Variants in NDUFA5 observed in about 807,000 individuals in gnomAD.
NDUFA5 encodes NADH:ubiquinone oxidoreductase subunit A5.
Under a neutral mutation model 19.8 loss-of-function variants are expected in NDUFA5, and 11 were observed. The observed-to-expected ratio is 0.56, with a 90% CI of 0.35 to 0.92. The LOEUF (loss-of-function observed/expected upper bound fraction) is 0.92, where lower values mean the gene tolerates loss of function less well. Ranked by LOEUF, NDUFA5 falls within the 40% of genes least tolerant of loss-of-function variation. The pLI is 0.01. For missense variants in NDUFA5, 109 were observed against 134.2 expected (o/e 0.81, Z 0.93); for synonymous variants, 47 against 46.8 (o/e 1.00, Z -0.01).
chr7:123,546,560 T>G, intron 3 of NDUFA5: 1 of 761,232 alleles, frequency 1.3e-6, no homozygotes, highest in Non-Finnish European at 1.8e-6. Flanking sequence ...GAGCCAGAAA[T>G]CATGCTCTGT....
chr7:123,539,513 T>TA lies in NDUFA5; in HGVS notation c.*2605_*2606insT, dbSNP rs1375734544. ...TGATGATTAACTAGAATGAAACCCA[T>TA]GGGAGAACTGAAATAGGCCATTCTG... On this transcript the variant is annotated 3_prime_UTR_variant, in exon 5 of 5. Coordinates refer to ENST00000355749, the MANE Select transcript of NDUFA5 (RefSeq NM_005000.5). The TA allele has an allele frequency of 6.6e-6, 1 of 152,164 alleles. No individual in the cohort carries two copies. The highest frequency in any genetic ancestry group is 2.4e-5 in the African/African-American group (1 of 41,434). 9.4% of individuals were successfully genotyped at this position (152,164 alleles called of 1,614,324 possible).
At chr7:123,599,688 A>G in the NDUFA5 span, among the ~76,000 whole-genome samples, 26 of 152,352 alleles carry the variant, frequency 1.7e-4, no homozygotes, top group African/African-American at 6.0e-4. Flanking sequence ...TGCTTCAACT[A>G]TTTTAACCTA....
At chr7:123,577,236 T>C in the NDUFA5 span, among the ~76,000 whole-genome samples, 1 of 152,190 alleles carries the variant, frequency 6.6e-6, no homozygotes, top group African/African-American at 2.4e-5. Context: ...TATTGCAGGA[T>C]ATGGCCATGA....
chr7:123,561,723 G>A (rs112002803), upstream of NDUFA5, among the ~76,000 whole-genome samples: 4 of 151,916 alleles, frequency 2.6e-5, no homozygotes, highest in Non-Finnish European at 5.9e-5. Context: ...TCAGCCTCCC[G>A]AGTAGCTGGA....
rs1354689978 is a variant in NDUFA5 at position 123,541,863 on chromosome 7, T to C, written c.*256A>G. 4.4e-6 allele frequency: 1 copy of C among 229,054 alleles called. No homozygotes were observed. The highest frequency in any genetic ancestry group is 2.3e-5 in the African/African-American group (1 of 44,000). The allele number at this position is 229,054 out of a possible 1,614,324, so 14.2% of individuals were successfully genotyped here. A position where few individuals can be genotyped will look rare whatever the true frequency, so the allele number is the denominator to read the frequency against. ...TTGAAAATCTGTAGGAATTTTTCTT[T>C]AATAATTTTCAAATCTTCCCATGGC... On this transcript the variant is annotated 3_prime_UTR_variant, in exon 5 of 5. Transcript: ENST00000355749.
intron 2 of NDUFA5, chr7:123,551,546 T>C (rs1051679674): frequency 1.4e-6 from 1 of 705,074 alleles, no homozygotes; most frequent in Non-Finnish European, 1.7e-6. Flanking sequence ...GCACTGCAAA[T>C]TTTTTTTTTT....
chr7:123,584,648 G>A, the NDUFA5 span, among the ~76,000 whole-genome samples: 1 of 151,888 alleles, frequency 6.6e-6, no homozygotes, highest in South Asian at 2.1e-4. Context: ...GAACAAATAG[G>A]AATTCTAAAA....
chr7:123,559,857 C>CA (rs201033454), upstream of NDUFA5, among the ~76,000 whole-genome samples: 4,693 of 46,406 alleles, frequency 0.1, 296 homozygotes, highest in African/African-American at 0.25. Flanking sequence ...TTCCGTCTCA[C>CA]AAAAAAAAAA....
the NDUFA5 span, among the ~76,000 whole-genome samples, chr7:123,588,581 T>C: frequency 2.0e-5 from 3 of 151,010 alleles, no homozygotes; most frequent in African/African-American, 7.3e-5. Context: ...CTTCCTCCCT[T>C]CCTTCCTTCC....
the NDUFA5 span, among the ~76,000 whole-genome samples, chr7:123,600,075 C>T: frequency 2.6e-5 from 4 of 152,128 alleles, no homozygotes; most frequent in African/African-American, 9.7e-5. Context: ...GCATAGATGA[C>T]TAACTACTTG....
the NDUFA5 span, among the ~76,000 whole-genome samples, chr7:123,569,819 A>G: frequency 2.0e-5 from 3 of 152,204 alleles, no homozygotes; most frequent in African/African-American, 7.2e-5. Flanking sequence ...CCCGTTAAGT[A>G]TAACTAATTT....
the NDUFA5 span, among the ~76,000 whole-genome samples, chr7:123,567,314 G>C: frequency 3.9e-5 from 6 of 152,146 alleles, no homozygotes; most frequent in Admixed American, 3.3e-4. Context: ...AGGAGTAAAT[G>C]TTCTTATCCT....
intron 2 of NDUFA5, chr7:123,555,485 A>T (rs1007004047): frequency 6.6e-6 from 1 of 152,230 alleles, no homozygotes; most frequent in East Asian, 1.9e-4. Context: ...GAGTACAAGT[A>T]TAAGAGAAAT....
At chr7:123,601,457 G>A in the NDUFA5 span, among the ~76,000 whole-genome samples, 4 of 152,270 alleles carry the variant, frequency 2.6e-5, no homozygotes, top group African/African-American at 7.2e-5. Flanking sequence ...CTGAAAGATG[G>A]AGAAAGAAAA....
intron 2 of NDUFA5, among the ~76,000 whole-genome samples, chr7:123,552,321 C>T (rs938476650): frequency 8.6e-5 from 13 of 152,042 alleles, no homozygotes; most frequent in Admixed American, 8.5e-4. Flanking sequence ...AAAGGATGAG[C>T]TCATATCCTT....
At chr7:123,592,731 C>T in the NDUFA5 span, among the ~76,000 whole-genome samples, 12 of 152,030 alleles carry the variant, frequency 7.9e-5, no homozygotes, top group South Asian at 4.1e-4. Flanking sequence ...GGAATAAGTG[C>T]GATGTGGTGC....
the NDUFA5 span, among the ~76,000 whole-genome samples, chr7:123,584,456 C>T: frequency 6.6e-6 from 1 of 151,778 alleles, no homozygotes; most frequent in Admixed American, 6.6e-5. Flanking sequence ...AACCTAAGAA[C>T]AACTGCTCTA....
the NDUFA5 span, among the ~76,000 whole-genome samples, chr7:123,571,308 G>C: frequency 6.6e-6 from 1 of 152,080 alleles, no homozygotes; most frequent in African/African-American, 2.4e-5. Context: ...GTTGTACTGT[G>C]GTTTTTAATT....
chr7:123,551,232 G>A (rs1483507592), intron 2 of NDUFA5: 3 of 144,802 alleles, frequency 2.1e-5, no homozygotes, highest in African/African-American at 7.7e-5. Context: ...TTTTGAAACG[G>A]AGTTTCGCTC....
Sources: gnomAD v4.1 joint callset for allele counts (sites outside exome capture counted in the v4.1 genomes callset) on GRCh38, gnomAD v4.1.1 for gene constraint, MANE v1.5 for transcripts, NCBI Gene and HGNC (gene_info 2026-07-23, HGNC 2026-07-21) for gene names.